The following WARS2 variants were observed in gnomAD, a reference collection of about 807,000 sequenced individuals.
WARS2 encodes tryptophan--tRNA ligase, mitochondrial.
WARS2 carries 28 observed loss-of-function variants against 36.5 expected under a neutral mutation model. The observed-to-expected ratio is 0.77, with a 90% CI of 0.57 to 1.05. WARS2 has a LOEUF of 1.05. Ranked by LOEUF, WARS2 falls within the 50% of genes least tolerant of loss-of-function variation. The probability of loss-of-function intolerance (pLI) is 0.00; values close to 1 mark genes in which losing one functional copy is unlikely to be tolerated. For missense variants in WARS2, 435 were observed against 456.8 expected, an observed-to-expected ratio of 0.95 and a Z score of 0.44; for synonymous variants, 174 against 178.4, an observed-to-expected ratio of 0.98 and a Z score of 0.20.
At chr1:119,114,314 A>G (rs1484030574) in intron 1 of WARS2, among the ~76,000 whole-genome samples, 1 of 152,234 alleles carries the variant, frequency 6.6e-6, no homozygotes, top group Non-Finnish European at 1.5e-5. Context: ...AATGGAAGCT[A>G]TGAGTATGTG....
chr1:119,046,352 T>A (rs1274415820), intron 2 of WARS2, among the ~76,000 whole-genome samples: 2 of 136,842 alleles, frequency 1.5e-5, no homozygotes, highest in African/African-American at 5.6e-5. Flanking sequence ...CTTTCCCCAA[T>A]TTTTTTTTTT....
chr1:119,085,125 T>C (rs1652528704), intron 1 of WARS2: 25 of 782,454 alleles, frequency 3.2e-5, no homozygotes, highest in South Asian at 2.9e-4. Flanking sequence ...AGAACGCCCG[T>C]TGTACGGGCT....
At chr1:119,050,825 A>G (rs1649287979) in intron 2 of WARS2, among the ~76,000 whole-genome samples, 1 of 152,216 alleles carries the variant, frequency 6.6e-6, no homozygotes, top group Non-Finnish European at 1.5e-5. Flanking sequence ...TTGACACCAA[A>G]TCCAAGATTT....
At chr1:119,114,330 T>G (rs1654833118) in intron 1 of WARS2, among the ~76,000 whole-genome samples, 1 of 152,210 alleles carries the variant, frequency 6.6e-6, no homozygotes, top group Non-Finnish European at 1.5e-5. Context: ...ATGTGTACAA[T>G]GCTTAGCAGG....
At chr1:119,069,984 C>T (rs992640325) in intron 2 of WARS2, among the ~76,000 whole-genome samples, 1 of 152,108 alleles carries the variant, frequency 6.6e-6, no homozygotes, top group African/African-American at 2.4e-5. Flanking sequence ...GTACATCTTC[C>T]GTAAGTGGTG....
intron 1 of WARS2, among the ~76,000 whole-genome samples, chr1:119,128,950 T>G (rs587619410): frequency 7.2e-5 from 11 of 152,334 alleles, no homozygotes; most frequent in African/African-American, 2.4e-4. Context: ...AAATATGGTC[T>G]GCTAAAGAAG....
intron 2 of WARS2, among the ~76,000 whole-genome samples, chr1:119,057,583 A>C (rs1649939664): frequency 6.7e-6 from 1 of 150,178 alleles, no homozygotes; most frequent in Admixed American, 6.7e-5. Flanking sequence ...TGAGGTCAGG[A>C]GTTCAAGACC....
At chr1:119,080,065 G>A (rs1032617934) in intron 1 of WARS2, among the ~76,000 whole-genome samples, 1 of 152,052 alleles carries the variant, frequency 6.6e-6, no homozygotes, top group Admixed American at 6.5e-5. Flanking sequence ...TCCTGATATG[G>A]GAATAAGCAA....
rs952243702 is a variant in WARS2 at position 119,082,355 on chromosome 1, T to C, written c.91-5748A>G. On this transcript the variant is annotated intron_variant, in intron 1 of 5. Coordinates refer to ENST00000235521, the MANE Select transcript of WARS2 (RefSeq NM_015836.4). ...CTGTACCTACCATCCTTCTATCATG[T>C]GATGGAATGCTTTTGCACATGTATT... The C allele has an allele frequency of 6.1e-6, 6 of 985,422 alleles. No homozygotes were observed. In the African/African-American group the frequency reaches 7.0e-5, roughly 11 times the overall value. The allele number at this position is 985,422 out of a possible 1,614,324, so 61.0% of individuals were successfully genotyped here. A position where few individuals can be genotyped will look rare whatever the true frequency, so the allele number is the denominator to read the frequency against.
intron 1 of WARS2, among the ~76,000 whole-genome samples, chr1:119,123,592 G>C (rs1655466241): frequency 7.3e-6 from 1 of 137,002 alleles, no homozygotes; most frequent in African/African-American, 2.6e-5. Flanking sequence ...GCATGCACTT[G>C]TGTGCATGCA....
chr1:119,034,146 C>T lies in WARS2; in HGVS notation c.583G>A (p.Gly195Ser). Reference sequence around the variant, plus strand: ...AACTCCCCATACTTCTTGTTGAAACCTTGTGCTAGATCCTGAACTAGTTCC... The same window carrying T: ...AACTCCCCATACTTCTTGTTGAAACTTTGTGCTAGATCCTGAACTAGTTCC... The part of the protein sequence containing the change: ...HMELVQDLAQ[G>S]FNKKYGEFFP... The change falls in exon 5 of 6, where the codon GGT (glycine) becomes AGT (serine). Residue 195 changes from glycine (G) to serine (S), a missense_variant. Transcript: ENST00000235521. 1 of 1,614,062 alleles carries T rather than the reference C, an allele frequency of 6.2e-7. No individual in the cohort carries two copies. Among genetic ancestry groups the T allele is most frequent in the Non-Finnish European group, 8.5e-7 (1 of 1,179,944 alleles).
intron 3 of WARS2, among the ~76,000 whole-genome samples, chr1:119,043,249 T>C (rs1440524713): frequency 6.6e-6 from 1 of 152,248 alleles, no homozygotes; most frequent in Non-Finnish European, 1.5e-5. Flanking sequence ...AATAAATGGA[T>C]ACTTTGGTGT....
Position 119,045,679 on chromosome 1 carries a change from G to T in WARS2, c.349-17C>A. On this transcript the variant is annotated splice_polypyrimidine_tract_variant and intron_variant, in intron 2 of 5. Transcript: ENST00000235521. ...TTCAGACACCTAAAGAAATAAAATA[G>T]AACATTAGTAAAGGTGGCCAGTGTT... 1 of 1,567,090 alleles carries T rather than the reference G, an allele frequency of 6.4e-7. No homozygotes were observed. The highest frequency in any genetic ancestry group is 8.7e-7 in the Non-Finnish European group (1 of 1,150,992).
chr1:119,080,702 G>C (rs587762072), intron 1 of WARS2, among the ~76,000 whole-genome samples: 1 of 152,342 alleles, frequency 6.6e-6, no homozygotes, highest in South Asian at 2.1e-4. Flanking sequence ...TGGCAGGGGA[G>C]ACATGCCAGG....
At chr1:119,114,460 G>T (rs181366919) in intron 1 of WARS2, among the ~76,000 whole-genome samples, 2 of 152,180 alleles carry the variant, frequency 1.3e-5, no homozygotes, top group African/African-American at 4.8e-5. Flanking sequence ...CTGGAGTAAA[G>T]TCCCTAAATG....
At chr1:119,107,671 A>G (rs188195164) in intron 1 of WARS2, among the ~76,000 whole-genome samples, 2 of 149,674 alleles carry the variant, frequency 1.3e-5, no homozygotes, top group African/African-American at 5.0e-5. Context: ...TAGAAAAAGA[A>G]AGAGAGAGAG....
chr1:119,069,974 G>A (rs1172661370), intron 2 of WARS2, among the ~76,000 whole-genome samples: 2 of 152,154 alleles, frequency 1.3e-5, no homozygotes, highest in East Asian at 3.9e-4. Context: ...CGCCTCATGA[G>A]TACATCTTCC....
chr1:119,127,625 A>G (rs746923298), intron 1 of WARS2, among the ~76,000 whole-genome samples: 10 of 152,176 alleles, frequency 6.6e-5, no homozygotes, highest in Non-Finnish European at 1.0e-4. Flanking sequence ...CCTCAGGTCT[A>G]AAGCCATCTG....
chr1:119,114,243 C>T (rs1654824876), intron 1 of WARS2, among the ~76,000 whole-genome samples: 2 of 152,102 alleles, frequency 1.3e-5, no homozygotes, highest in African/African-American at 2.4e-5. Context: ...AGCAGGTAAA[C>T]GCTAAAGGAA....
Sources: allele counts gnomAD v4.1 joint callset (sites outside exome capture counted in the v4.1 genomes callset), GRCh38; gene constraint gnomAD v4.1.1; transcripts MANE v1.5; gene names NCBI Gene and HGNC (gene_info 2026-07-23, HGNC 2026-07-21).